Variants in KCNH7 observed in about 807,000 individuals in gnomAD.
KCNH7 encodes the protein voltage-gated inwardly rectifying potassium channel KCNH7.
In KCNH7, 49 loss-of-function variants were observed where a neutral mutation model predicts 120.8. That is an observed-to-expected ratio of 0.41 (90% CI 0.32 to 0.51). The LOEUF (loss-of-function observed/expected upper bound fraction) is 0.51. Ranked by LOEUF, KCNH7 falls within the 20% of genes least tolerant of loss-of-function variation. KCNH7 has a pLI of 0.38. For missense variants in KCNH7, 1,097 were observed against 1,446.6 expected (o/e 0.76, Z 3.92); for synonymous variants, 547 against 516.1 (o/e 1.06, Z -0.81).
chr2:162,458,340 A>C (rs964070942), intron 6 of KCNH7, among the ~76,000 whole-genome samples: 7 of 152,214 alleles, frequency 4.6e-5, no homozygotes, highest in Non-Finnish European at 8.8e-5. Flanking sequence ...AAATATATGC[A>C]TATTAAAAAA....
At chr2:162,791,668 A>C (rs1356183713) in intron 2 of KCNH7, among the ~76,000 whole-genome samples, 2 of 152,134 alleles carry the variant, frequency 1.3e-5, no homozygotes, top group African/African-American at 4.8e-5. Flanking sequence ...TATCAGCTTA[A>C]GAAGCTTTTG....
rs764858029 is a variant in KCNH7 at position 162,582,200 on chromosome 2, C to T, written c.308-45120G>A. Among the ~76,000 whole-genome samples, 22 of 152,178 alleles carry T rather than the reference C, an allele frequency of 1.4e-4. No individual in the cohort carries two copies. In the Middle Eastern group the frequency reaches 0.01, roughly 71 times the overall value. On this transcript the variant is annotated intron_variant, in intron 2 of 15. Coordinates refer to ENST00000332142, the MANE Select transcript of KCNH7 (RefSeq NM_033272.4). ...ACTCCATTTGGACTTAGCTGTCCACCTAGTTTGGTTTTGGGTGATGTTAAG... is the reference window on the plus strand; with the variant it reads ...ACTCCATTTGGACTTAGCTGTCCACTTAGTTTGGTTTTGGGTGATGTTAAG...
intron 2 of KCNH7, among the ~76,000 whole-genome samples, chr2:162,799,940 TTACACACA>T (rs998941094): frequency 1.0e-5 from 1 of 96,614 alleles, no homozygotes; most frequent in Non-Finnish European, 2.4e-5. Flanking sequence ...GTACTTTGTT[TTACACACA>T]TACACACACA....
At chr2:162,584,103 A>G (rs951466623) in intron 2 of KCNH7, among the ~76,000 whole-genome samples, 27 of 152,142 alleles carry the variant, frequency 1.8e-4, no homozygotes. Flanking sequence ...TACTTACTGC[A>G]TGTGGAATTG....
At chr2:162,438,963 G>T (rs1189707654) in intron 7 of KCNH7, among the ~76,000 whole-genome samples, 1 of 151,938 alleles carries the variant, frequency 6.6e-6, no homozygotes, top group Admixed American at 6.6e-5. Context: ...TGAACCCTTA[G>T]CCCCATTGTT....
chr2:162,704,532 GA>G (rs1411589703), intron 2 of KCNH7, among the ~76,000 whole-genome samples: 1 of 152,152 alleles, frequency 6.6e-6, no homozygotes, highest in Non-Finnish European at 1.5e-5. Context: ...CTAAAATTCA[GA>G]AACTTTTGTC....
At chr2:162,727,597 G>C (rs2105385173) in intron 2 of KCNH7, among the ~76,000 whole-genome samples, 1 of 152,236 alleles carries the variant, frequency 6.6e-6, no homozygotes, top group African/African-American at 2.4e-5. Context: ...TATTTACAGA[G>C]TAATGTTTTT....
chr2:162,734,083 GT>G (rs142572171), intron 2 of KCNH7, among the ~76,000 whole-genome samples: 18 of 148,204 alleles, frequency 1.2e-4, no homozygotes, highest in East Asian at 7.9e-4. Flanking sequence ...CAAAATTTAT[GT>G]TTTTTTTTTC....
In KCNH7 at chr2:162,762,650, A is replaced by G. The variant is rs145822578; in HGVS notation, c.307+73887T>C. Reference sequence around the variant, plus strand: ...GTGTTTTGAAAGTCTGAGCTCCTTAATGGGAGAATCTGAAGAATGTTTGGA... The same window carrying G: ...GTGTTTTGAAAGTCTGAGCTCCTTAGTGGGAGAATCTGAAGAATGTTTGGA... On this transcript the variant is annotated intron_variant, in intron 2 of 15. Coordinates refer to ENST00000332142, the MANE Select transcript of KCNH7 (RefSeq NM_033272.4). Among the ~76,000 whole-genome samples the G allele has an allele frequency of 9.6e-4, 146 of 152,124 alleles. 2 individuals carry two copies. Among genetic ancestry groups the G allele is most frequent in the African/African-American group, 3.3e-3 (139 of 41,514 alleles).
chr2:162,603,508 T>C (rs1181546463), intron 2 of KCNH7, among the ~76,000 whole-genome samples: 1 of 152,102 alleles, frequency 6.6e-6, no homozygotes, highest in Admixed American at 6.6e-5. Context: ...GAGAATATTA[T>C]TCTTGCTTTC....
intron 2 of KCNH7, among the ~76,000 whole-genome samples, chr2:162,648,368 G>A (rs919198610): frequency 1.3e-5 from 2 of 152,094 alleles, no homozygotes; most frequent in African/African-American, 4.8e-5. Flanking sequence ...AACAGGAAAG[G>A]GGAAGTCCGC....
chr2:162,721,070 G>A (rs1230204302), intron 2 of KCNH7, among the ~76,000 whole-genome samples: 2 of 152,098 alleles, frequency 1.3e-5, no homozygotes, highest in Non-Finnish European at 2.9e-5. Flanking sequence ...AGCTTCTGAT[G>A]CTGCAGAATG....
intron 2 of KCNH7, among the ~76,000 whole-genome samples, chr2:162,761,986 G>A (rs1222587625): frequency 6.6e-6 from 1 of 151,962 alleles, no homozygotes; most frequent in East Asian, 1.9e-4. Context: ...TCCAAAGAAG[G>A]GAAAGATAGT....
At chr2:162,687,341 T>C (rs938990586) in intron 2 of KCNH7, among the ~76,000 whole-genome samples, 11 of 152,160 alleles carry the variant, frequency 7.2e-5, no homozygotes, top group Non-Finnish European at 1.3e-4. Flanking sequence ...TGCAGGACAG[T>C]GGCTAAACAT....
chr2:162,549,244 C>T (rs1692583619), intron 2 of KCNH7, among the ~76,000 whole-genome samples: 2 of 152,186 alleles, frequency 1.3e-5, no homozygotes, highest in African/African-American at 4.8e-5. Flanking sequence ...ATCTCAGCTC[C>T]AGCTTTAGAA....
chr2:162,641,194 A>C (rs773062947), intron 2 of KCNH7, among the ~76,000 whole-genome samples: 4 of 152,180 alleles, frequency 2.6e-5, no homozygotes, highest in Non-Finnish European at 5.9e-5. Flanking sequence ...GCTCATGTAA[A>C]ACCTGTACAT....
At chr2:162,824,343 T>C (rs1274049249) in intron 2 of KCNH7, among the ~76,000 whole-genome samples, 1 of 152,186 alleles carries the variant, frequency 6.6e-6, no homozygotes, top group East Asian at 1.9e-4. Flanking sequence ...AATTTTCGAA[T>C]GAATAGATGC....
chr2:162,572,002 T>A (rs1193242486), intron 2 of KCNH7, among the ~76,000 whole-genome samples: 1 of 151,354 alleles, frequency 6.6e-6, no homozygotes, highest in Non-Finnish European at 1.5e-5. Context: ...ACTTCATGTC[T>A]AAAACACCAA....
At chr2:162,416,969 CAATT>C (rs1168729896) in intron 9 of KCNH7, among the ~76,000 whole-genome samples, 7 of 152,116 alleles carry the variant, frequency 4.6e-5, no homozygotes, top group Admixed American at 3.9e-4. Context: ...CTGAGAAAAA[CAATT>C]AAAATATATC....
Sources: allele counts gnomAD v4.1 joint callset (sites outside exome capture counted in the v4.1 genomes callset), GRCh38; gene constraint gnomAD v4.1.1; transcripts MANE v1.5; gene names NCBI Gene and HGNC (gene_info 2026-07-23, HGNC 2026-07-21).